The following BPNT1 variants were observed in gnomAD, a reference collection of about 807,000 sequenced individuals.
BPNT1 encodes the protein 3'(2'), 5'-bisphosphate nucleotidase 1, also known as 3'(2'),5'-bisphosphate nucleotidase 1.
Under a neutral mutation model 36.9 loss-of-function variants are expected in BPNT1, and 28 were observed. The ratio of observed to expected loss-of-function variants is 0.76; its 90% CI spans 0.56 to 1.04. The LOEUF (loss-of-function observed/expected upper bound fraction) is 1.04, where lower values mean the gene tolerates loss of function less well. Ranked by LOEUF, BPNT1 falls within the 50% of genes least tolerant of loss-of-function variation. The pLI is 0.00. For synonymous variants in BPNT1, 119 were observed against 130.9 expected (o/e 0.91, Z 0.62); for missense variants, 313 against 372.9 (o/e 0.84, Z 1.32).
intron 1 of BPNT1, among the ~76,000 whole-genome samples, chr1:220,084,821 A>G (rs557337232): frequency 1.1e-3 from 171 of 152,370 alleles, no homozygotes; most frequent in African/African-American, 4.0e-3. Context: ...CTTATAAAAC[A>G]TAAGAATGGG....
rs764240841 is a variant in BPNT1 at position 220,069,438 on chromosome 1, A to G, written c.334-6T>C. 1 of 1,601,136 alleles carries G rather than the reference A, an allele frequency of 6.2e-7. No individual in the cohort carries two copies. Among genetic ancestry groups the G allele is most frequent in the Non-Finnish European group, 8.5e-7 (1 of 1,174,660 alleles). The stretch of plus-strand genomic sequence containing the variant: ...GGATCAACCCAGACCACGAGCTAAA[A>G]TTAAAAAGAGAGAAGGAAAATATCT... On this transcript the variant is annotated splice_polypyrimidine_tract_variant and splice_region_variant and intron_variant, in intron 4 of 8. Coordinates refer to ENST00000322067, the MANE Select transcript of BPNT1 (RefSeq NM_006085.6).
At chr1:220,063,779 GTTA>G (rs1457180777) in intron 6 of BPNT1, among the ~76,000 whole-genome samples, 3 of 152,164 alleles carry the variant, frequency 2.0e-5, no homozygotes, top group Non-Finnish European at 4.4e-5. Flanking sequence ...TGGGATCAGA[GTTA>G]AGATTTTGCT....
chr1:220,069,453 G>C, intron 4 of BPNT1, 21 bp from the exon 5 acceptor site: 1 of 1,576,550 alleles, frequency 6.3e-7, no homozygotes, highest in Non-Finnish European at 8.6e-7. Flanking sequence ...AAAGAGAGAA[G>C]GAAAATATCT....
intron 2 of BPNT1, 66 bp downstream of exon 2, chr1:220,079,653 CATTTTTAT>C: frequency 6.3e-7 from 1 of 1,577,710 alleles, no homozygotes; most frequent in Non-Finnish European, 8.7e-7. Flanking sequence ...AGTCTGTCCA[CATTTTTAT>C]ATCATTTAGC....
chr1:220,058,699 T>G lies in BPNT1; in HGVS notation c.*145A>C. Reference sequence around the variant, plus strand: ...GGCGCATGACAGGATGCCCAGTTAATTTGTATTTTTGTAGAGATGGGGTCT... The same window carrying G: ...GGCGCATGACAGGATGCCCAGTTAAGTTGTATTTTTGTAGAGATGGGGTCT... On this transcript the variant is annotated 3_prime_UTR_variant, in exon 9 of 9. Transcript: ENST00000322067. The G allele has an allele frequency of 2.4e-6, 2 of 843,378 alleles. No individual in the cohort carries two copies. Among genetic ancestry groups the G allele is most frequent in the African/African-American group, 1.7e-5 (1 of 58,208 alleles). The allele number at this position is 843,378 out of a possible 1,614,324, so 52.2% of individuals were successfully genotyped here. A position where few individuals can be genotyped will look rare whatever the true frequency, so the allele number is the denominator to read the frequency against.
chr1:220,072,566 C>T (rs949757787), intron 4 of BPNT1, among the ~76,000 whole-genome samples: 3 of 152,118 alleles, frequency 2.0e-5, no homozygotes, highest in South Asian at 2.1e-4. Context: ...CCAACCACCT[C>T]GGCCTCCCAG....
chr1:220,064,090 C>A (rs1446021069), intron 6 of BPNT1, among the ~76,000 whole-genome samples: 1 of 152,138 alleles, frequency 6.6e-6, no homozygotes, highest in Non-Finnish European at 1.5e-5. Context: ...ATCCTCAAAG[C>A]ACCCCCATGA....
intron 1 of BPNT1, among the ~76,000 whole-genome samples, chr1:220,085,569 A>C (rs1238890172): frequency 1.3e-5 from 2 of 152,204 alleles, no homozygotes; most frequent in African/African-American, 4.8e-5. Flanking sequence ...ACACCAAATA[A>C]TACTGGCTAA....
At position 220,089,142 on chromosome 1, in the gene BPNT1, GGAGGAA is replaced by G. The variant is rs150932025; in HGVS notation, c.-9+538_-9+543del. On this transcript the variant is annotated intron_variant, in intron 1 of 8. Transcript: ENST00000322067. The stretch of plus-strand genomic sequence containing the variant: ...AAAAAAAAAGAAGGAGGAGGAAGGA[GGAGGAA>G]GAAGAAGAAGAAAAAAGAAGAAAGA... Among the ~76,000 whole-genome samples the G allele has an allele frequency of 3.7e-3, 556 of 150,838 alleles. 5 individuals are homozygous for G. The highest frequency in any genetic ancestry group is 0.013 in the African/African-American group (541 of 41,120).
intron 2 of BPNT1, among the ~76,000 whole-genome samples, chr1:220,075,719 C>T (rs1664484683): frequency 6.6e-6 from 1 of 152,176 alleles, no homozygotes; most frequent in Non-Finnish European, 1.5e-5. Flanking sequence ...TAGTTCCAGA[C>T]ATCATCATTG....
At chr1:220,086,446 ATAT>A (rs1340386994) in intron 1 of BPNT1, among the ~76,000 whole-genome samples, 1 of 151,738 alleles carries the variant, frequency 6.6e-6, no homozygotes, top group East Asian at 1.9e-4. Flanking sequence ...TAATTTTTTT[ATAT>A]TTTTAGTAGA....
chr1:220,062,371 T>C (rs962225266), intron 7 of BPNT1, among the ~76,000 whole-genome samples: 13 of 146,926 alleles, frequency 8.8e-5, no homozygotes, highest in African/African-American at 2.3e-4. Flanking sequence ...TCAATTCCCA[T>C]TTATGAGTGA....
intron 5 of BPNT1, among the ~76,000 whole-genome samples, chr1:220,067,816 A>T (rs1462418238): frequency 6.6e-6 from 1 of 152,230 alleles, no homozygotes; most frequent in Non-Finnish European, 1.5e-5. Context: ...ATCAAGCAGC[A>T]TTAGAATTAA....
chr1:220,058,502 T>C lies in BPNT1; in HGVS notation c.*342A>G. On this transcript the variant is annotated 3_prime_UTR_variant, in exon 9 of 9. Transcript: ENST00000322067. ...GAACCAAGTCTTTCTCCTAGCTAAG[T>C]AAATGAAACTTTAAGTACTTTTTGG... The C allele has an allele frequency of 1.0e-6, 1 of 989,606 alleles. No homozygotes were observed. Among genetic ancestry groups the C allele is most frequent in the Non-Finnish European group, 1.2e-6 (1 of 828,902 alleles). 61.3% of individuals were successfully genotyped at this position (989,606 alleles called of 1,614,324 possible). A position where few individuals can be genotyped will look rare whatever the true frequency, so the allele number is the denominator to read the frequency against.
chr1:220,082,881 A>G (rs987117260), intron 1 of BPNT1, among the ~76,000 whole-genome samples: 2 of 152,184 alleles, frequency 1.3e-5, no homozygotes, highest in Admixed American at 6.5e-5. Flanking sequence ...CTCTATTGAC[A>G]GGAATTATGA....
intron 5 of BPNT1, 75 bp from the exon 6 acceptor site, chr1:220,067,468 A>C (rs1663642162): frequency 3.0e-6 from 3 of 1,005,720 alleles, no homozygotes; most frequent in Non-Finnish European, 4.4e-6. Flanking sequence ...CAATTGCTCC[A>C]AGTTAGTTTT....
chr1:220,081,079 C>T (rs921676909), intron 1 of BPNT1, among the ~76,000 whole-genome samples: 3 of 152,126 alleles, frequency 2.0e-5, no homozygotes, highest in Non-Finnish European at 2.9e-5. Flanking sequence ...GCTGGGATTA[C>T]AGGCGCCCAC....
At chr1:220,079,176 A>G (rs1418642254) in intron 2 of BPNT1, among the ~76,000 whole-genome samples, 2 of 152,182 alleles carry the variant, frequency 1.3e-5, no homozygotes, top group African/African-American at 4.8e-5. Context: ...CTCGGTTACA[A>G]TGCCTTGGGG....
chr1:220,086,071 T>C (rs115518794), intron 1 of BPNT1, among the ~76,000 whole-genome samples: 5 of 152,118 alleles, frequency 3.3e-5, no homozygotes, highest in Non-Finnish European at 5.9e-5. Flanking sequence ...AAAAGAACTA[T>C]GAACAGAGGT....
Sources: allele counts gnomAD v4.1 joint callset (sites outside exome capture counted in the v4.1 genomes callset), GRCh38; gene constraint gnomAD v4.1.1; transcripts MANE v1.5; gene names NCBI Gene and HGNC (gene_info 2026-07-23, HGNC 2026-07-21).